The following SVOPL variants were observed in gnomAD, a reference collection of about 807,000 sequenced individuals.
The protein encoded by SVOPL is SVOP like.
In SVOPL, 60 loss-of-function variants were observed where a neutral mutation model predicts 61.0. That is an observed-to-expected ratio of 0.98 (90% CI 0.80 to 1.22). The LOEUF (loss-of-function observed/expected upper bound fraction) is 1.22, where lower values mean the gene tolerates loss of function less well. SVOPL is among the 50% of genes most tolerant of loss of function. The pLI, the probability that SVOPL is intolerant of heterozygous loss-of-function variation, is 0.00. For missense variants in SVOPL, 662 were observed against 643.9 expected, an observed-to-expected ratio of 1.03 and a Z score of -0.30; for synonymous variants, 279 against 250.0, an observed-to-expected ratio of 1.12 and a Z score of -1.09.
At chr7:138,618,978 C>A (rs1286155264) in intron 14 of SVOPL, among the ~76,000 whole-genome samples, 1 of 152,132 alleles carries the variant, frequency 6.6e-6, no homozygotes, top group East Asian at 1.9e-4. Flanking sequence ...ACAAACCCAC[C>A]AACAGCAGCA....
At chr7:138,637,475 G>GATATATAT (rs1198640384) in intron 9 of SVOPL, among the ~76,000 whole-genome samples, 1 of 14,136 alleles carries the variant, frequency 7.1e-5, no homozygotes, top group African/African-American at 2.8e-4. Flanking sequence ...TATAGATATA[G>GATATATAT]ATATAGATAT....
At chr7:138,629,873 T>TA (rs2116921893) in intron 10 of SVOPL, among the ~76,000 whole-genome samples, 176 bp downstream of exon 10, 1 of 152,366 alleles carries the variant, frequency 6.6e-6, no homozygotes, top group South Asian at 2.1e-4. Flanking sequence ...TGTATCCATT[T>TA]ACTTATTTAT....
At chr7:138,661,077 AGAATCTATGCT>A in intron 5 of SVOPL, 1 of 985,312 alleles carries the variant, frequency 1.0e-6, no homozygotes, top group Non-Finnish European at 1.2e-6. Context: ...CAAATTTACA[AGAATCTATGCT>A]ATTTATTTCA....
chr7:138,614,471 C>A (rs922481799), intron 14 of SVOPL, among the ~76,000 whole-genome samples: 2 of 151,066 alleles, frequency 1.3e-5, no homozygotes, highest in Non-Finnish European at 2.9e-5. Context: ...TCTCAGCTCA[C>A]TGCAACCTCC....
At chr7:138,608,272 A>T (rs933940486) in intron 14 of SVOPL, among the ~76,000 whole-genome samples, 4 of 152,224 alleles carry the variant, frequency 2.6e-5, no homozygotes, top group Admixed American at 6.5e-5. Flanking sequence ...GTGATTCTGA[A>T]AAAGAGCAAT....
At chr7:138,595,341 T>C (rs1022547229) in intron 15 of SVOPL, among the ~76,000 whole-genome samples, 5 of 130,188 alleles carry the variant, frequency 3.8e-5, no homozygotes, top group Non-Finnish European at 8.2e-5. Context: ...TGGGTGTGTA[T>C]TTTAAGATTT....
chr7:138,597,212 C>G, intron 14 of SVOPL: 1 of 1,289,354 alleles, frequency 7.8e-7, no homozygotes, highest in Non-Finnish European at 1.0e-6. Context: ...CTCACAACGA[C>G]AGTAAAGTAT....
In SVOPL at chr7:138,615,547, G is replaced by C. The variant is rs1477484357; in HGVS notation, c.1353+5499C>G. ...CTCCATCCTGCCTGGGTGACAGAGC[G>C]AGACTCCGTCTCCAAAAAAAAAAAA... On this transcript the variant is annotated intron_variant, in intron 14 of 15. Transcript: ENST00000674285. 2.1e-5 allele frequency among the ~76,000 whole-genome samples: 2 copies of C among 96,780 alleles called. 1 individual carries two copies. The allele number at this position is 96,780 out of a possible 152,430, so 63.5% of individuals were successfully genotyped here.
chr7:138,645,730 C>A, intron 8 of SVOPL: 1 of 166,228 alleles, frequency 6.0e-6, no homozygotes, highest in South Asian at 1.6e-4. Flanking sequence ...CCATGGTTCT[C>A]ACAAATGTGC....
chr7:138,648,993 G>T lies in SVOPL; in HGVS notation c.660+19C>A. On this transcript the variant is annotated intron_variant, in intron 8 of 15. Coordinates refer to ENST00000674285, the MANE Select transcript of SVOPL (RefSeq NM_001139456.2). ...CAGCAGGAGGAGGGGACAGGAAGGA[G>T]CCACAAGTGCTTCCCCACCTTGAAG... The T allele has an allele frequency of 6.2e-7, 1 of 1,613,544 alleles. No individual in the cohort carries two copies. Among genetic ancestry groups the T allele is most frequent in the South Asian group, 1.1e-5 (1 of 91,032 alleles).
chr7:138,612,647 C>T (rs1456922161), intron 14 of SVOPL, among the ~76,000 whole-genome samples: 1 of 151,858 alleles, frequency 6.6e-6, no homozygotes, highest in Non-Finnish European at 1.5e-5. Flanking sequence ...TCCTGAGTAG[C>T]TGGGATTACA....
chr7:138,642,831 C>CAAAAAAAAAAAA (rs749603417), intron 9 of SVOPL, among the ~76,000 whole-genome samples: 15 of 26,858 alleles, frequency 5.6e-4, no homozygotes, highest in Admixed American at 1.1e-3. Context: ...CTCCTACCTC[C>CAAAAAAAAAAAA]AAAAAAAAAA....
chr7:138,672,102 C>G lies in SVOPL; in HGVS notation c.190G>C (p.Glu64Gln). 1 of 1,551,702 alleles carries G rather than the reference C, an allele frequency of 6.4e-7. No homozygotes were observed. The highest frequency in any genetic ancestry group is 8.7e-7 in the Non-Finnish European group (1 of 1,146,984). The stretch of plus-strand genomic sequence containing the variant: ...GACACAACAGCTATCAACATGATCT[C>G]CATGGCCTCAACCACCTTAAAGAAG... ...MGSTGVVEAMEIMLIAVVSPV... is the reference protein window; with the variant it reads ...MGSTGVVEAMQIMLIAVVSPV... Residue 64 changes from glutamate (E) to glutamine (Q), a missense_variant, in exon 4 of 16, where the codon GAG (glutamate) becomes CAG (glutamine). By Grantham distance (29) the Glu-to-Gln change is conservative. Transcript: ENST00000674285.
chr7:138,611,277 C>G (rs1427975307), intron 14 of SVOPL, among the ~76,000 whole-genome samples: 1 of 152,094 alleles, frequency 6.6e-6, no homozygotes, highest in Non-Finnish European at 1.5e-5. Context: ...ACTCGGGACG[C>G]TGAGGCATGA....
intron 14 of SVOPL, among the ~76,000 whole-genome samples, chr7:138,617,158 C>G (rs538350118): frequency 1.3e-5 from 2 of 152,160 alleles, no homozygotes; most frequent in South Asian, 2.1e-4. Context: ...TTAGTAGAGA[C>G]GAGGTTTCAC....
rs1365103100 is a variant in SVOPL at position 138,596,447 on chromosome 7, G to A, written c.1437C>T (p.Leu479=). ...CVVCAISAFT[L]PIETKGRALQ... ...GGGCCCGTCCTTTGGTTTCGATGGG[G>A]AGAGTGAATGCAGAAATGGCGCATA... The change falls in exon 15 of 16, where the codon CTC becomes CTT. Residue 479 remains leucine (L), a synonymous_variant. Transcript: ENST00000674285. The A allele has an allele frequency of 1.2e-6, 2 of 1,613,956 alleles. No homozygotes were observed. The highest frequency in any genetic ancestry group is 1.7e-6 in the Non-Finnish European group (2 of 1,179,936).
intron 14 of SVOPL, among the ~76,000 whole-genome samples, chr7:138,601,662 A>G (rs1243551959): frequency 1.3e-5 from 2 of 152,248 alleles, no homozygotes; most frequent in Non-Finnish European, 2.9e-5. Context: ...ATAAATTATT[A>G]TACTGAGAAG....
chr7:138,627,947 A>G (rs1273048310), intron 11 of SVOPL, among the ~76,000 whole-genome samples: 1 of 152,204 alleles, frequency 6.6e-6, no homozygotes. Flanking sequence ...AACACCTTAC[A>G]ATTGATAGAA....
chr7:138,651,810 C>T (rs1801448523), intron 7 of SVOPL, among the ~76,000 whole-genome samples: 1 of 152,184 alleles, frequency 6.6e-6, no homozygotes, highest in Non-Finnish European at 1.5e-5. Flanking sequence ...CTTGAGCCTT[C>T]CTATGCCCTC....
Sources: gnomAD v4.1 joint callset for allele counts (sites outside exome capture counted in the v4.1 genomes callset) on GRCh38, gnomAD v4.1.1 for gene constraint, MANE v1.5 for transcripts, NCBI Gene and HGNC (gene_info 2026-07-23, HGNC 2026-07-21) for gene names.